FRMD3: variants seen among roughly 807,000 people sequenced by gnomAD.
FRMD3 encodes the protein FERM domain-containing protein 3.
Under a neutral mutation model 70.2 loss-of-function variants are expected in FRMD3, and 33 were observed. The observed-to-expected ratio is 0.47, with a 90% CI of 0.36 to 0.63. The LOEUF (loss-of-function observed/expected upper bound fraction) is 0.63. FRMD3 is among the 20% of genes least tolerant of loss of function. The probability of loss-of-function intolerance (pLI) is 0.00; values close to 1 mark genes in which losing one functional copy is unlikely to be tolerated. For synonymous variants in FRMD3, 279 were observed against 255.9 expected (o/e 1.09, Z -0.86); for missense variants, 632 against 711.4 (o/e 0.89, Z 1.27).
At chr9:83,343,129 C>T (rs1823830506) in intron 5 of FRMD3, 61 bp downstream of exon 5, 1 of 1,220,994 alleles carries the variant, frequency 8.2e-7, no homozygotes, top group East Asian at 2.3e-5. Flanking sequence ...AGAAGGGAGG[C>T]TTGAAACAGC....
intron 3 of FRMD3, among the ~76,000 whole-genome samples, chr9:83,351,689 A>ATAGC (rs1167540341): frequency 2.9e-5 from 4 of 136,852 alleles, no homozygotes; most frequent in Admixed American, 2.9e-4. Context: ...TAGTTACATG[A>ATAGC]TAGATAGATA....
intron 1 of FRMD3, among the ~76,000 whole-genome samples, chr9:83,407,849 CTCTCTCTCTCTCTCTCTCTCTCTCATCTT>C (rs1205485819): frequency 9.9e-5 from 13 of 130,848 alleles, no homozygotes; most frequent in Admixed American, 7.9e-4. Context: ...CTCTCTCTCT[CTCTCTCTCTCTCTCTCTCTCTCTCATCTT>C]TCTCTCTCTC....
intron 3 of FRMD3, among the ~76,000 whole-genome samples, chr9:83,360,641 C>T (rs1312049636): frequency 6.6e-6 from 1 of 152,186 alleles, no homozygotes; most frequent in African/African-American, 2.4e-5. Context: ...CTGCTTCCTC[C>T]ACTACCCCTG....
At chr9:83,445,383 C>CAGACAGAT (rs1827430472) in intron 1 of FRMD3, among the ~76,000 whole-genome samples, 7 of 95,450 alleles carry the variant, frequency 7.3e-5, no homozygotes, top group African/African-American at 2.9e-4. Context: ...GATAGATAGA[C>CAGACAGAT]AGATAGATAA....
chr9:83,259,111 G>C (rs1832862383), intron 13 of FRMD3, among the ~76,000 whole-genome samples: 2 of 152,270 alleles, frequency 1.3e-5, no homozygotes, highest in South Asian at 2.1e-4. Flanking sequence ...ATGGGTAGGG[G>C]TCGGGGATGC....
intron 1 of FRMD3, among the ~76,000 whole-genome samples, chr9:83,394,939 TG>T (rs1825771605): frequency 6.6e-6 from 1 of 152,188 alleles, no homozygotes; most frequent in African/African-American, 2.4e-5. Context: ...AGAATAATGA[TG>T]GTAACTTCCA....
chr9:83,414,854 C>T (rs1173144736), intron 1 of FRMD3, among the ~76,000 whole-genome samples: 3 of 152,144 alleles, frequency 2.0e-5, no homozygotes, highest in Non-Finnish European at 4.4e-5. Flanking sequence ...TTTGTATCTG[C>T]CAGAGTCCCA....
Position 83,407,870 on chromosome 9 carries a change from TC to T in FRMD3, c.148-18163del, listed in dbSNP as rs1826162258. ...CTCTCTCTCTCTCTCTCTCTCTCTC[TC>T]TCATCTTTCTCTCTCTCTCTCTCTC... On this transcript the variant is annotated intron_variant, in intron 1 of 13. Coordinates refer to ENST00000304195, the MANE Select transcript of FRMD3 (RefSeq NM_174938.6). 4.4e-5 allele frequency among the ~76,000 whole-genome samples: 5 copies of T among 113,804 alleles called. No individual in the cohort carries two copies. The East Asian group carries it at 8.4e-4, about 19-fold the overall frequency. The allele number at this position is 113,804 out of a possible 152,430, so 74.7% of individuals were successfully genotyped here.
intron 13 of FRMD3, among the ~76,000 whole-genome samples, chr9:83,259,986 C>G (rs190604404): frequency 1.2e-3 from 186 of 152,280 alleles, no homozygotes; most frequent in African/African-American, 4.1e-3. Context: ...CACCTGGACT[C>G]AGGTTCCCAG....
intron 12 of FRMD3, among the ~76,000 whole-genome samples, chr9:83,297,968 C>T (rs1164932072): frequency 6.6e-6 from 1 of 152,136 alleles, no homozygotes; most frequent in African/African-American, 2.4e-5. Flanking sequence ...GGAGAGGCAC[C>T]CAGCTCATTT....
chr9:83,520,448 C>T (rs1420939825), intron 1 of FRMD3, among the ~76,000 whole-genome samples: 1 of 152,228 alleles, frequency 6.6e-6, no homozygotes, highest in African/African-American at 2.4e-5. Context: ...TTACTCAATT[C>T]CTCTCTGCTT....
intron 1 of FRMD3, among the ~76,000 whole-genome samples, chr9:83,516,171 T>G (rs1197439731): frequency 1.3e-5 from 2 of 151,888 alleles, no homozygotes; most frequent in Non-Finnish European, 2.9e-5. Context: ...AGACACAGAC[T>G]GGCAAATTTG....
intron 13 of FRMD3, among the ~76,000 whole-genome samples, chr9:83,277,567 C>T (rs1397174671): frequency 6.6e-6 from 1 of 152,110 alleles, no homozygotes; most frequent in Admixed American, 6.6e-5. Flanking sequence ...TGCCGTGTTG[C>T]CCAGGCTGGT....
At chr9:83,489,307 G>C (rs535922667) in intron 1 of FRMD3, among the ~76,000 whole-genome samples, 2 of 152,164 alleles carry the variant, frequency 1.3e-5, no homozygotes, top group South Asian at 4.2e-4. Flanking sequence ...ACTATCAACA[G>C]AGTAAACAGA....
intron 1 of FRMD3, among the ~76,000 whole-genome samples, chr9:83,534,048 G>A (rs1013176842): frequency 5.3e-5 from 8 of 152,184 alleles, no homozygotes; most frequent in Non-Finnish European, 1.0e-4. Flanking sequence ...GAAGTAGCAA[G>A]GCTGAATGAA....
At chr9:83,426,443 T>C (rs1166200151) in intron 1 of FRMD3, among the ~76,000 whole-genome samples, 3 of 152,244 alleles carry the variant, frequency 2.0e-5, no homozygotes, top group African/African-American at 7.2e-5. Context: ...GTGAGAGGCA[T>C]GGCAGAGGCC....
At chr9:83,363,779 C>T (rs1824696821) in intron 3 of FRMD3, among the ~76,000 whole-genome samples, 1 of 152,118 alleles carries the variant, frequency 6.6e-6, no homozygotes, top group African/African-American at 2.4e-5. Context: ...TGGTCTCGAT[C>T]TCCTGACCTC....
At chr9:83,311,814 G>T (rs1478267592) in intron 8 of FRMD3, 73 bp downstream of exon 8, 3 of 1,058,546 alleles carry the variant, frequency 2.8e-6, no homozygotes, top group Non-Finnish European at 2.9e-6. Context: ...ACACTTGCCC[G>T]AGAAGCCAAG....
intron 3 of FRMD3, among the ~76,000 whole-genome samples, chr9:83,354,564 G>A (rs1824273909): frequency 6.6e-6 from 1 of 152,102 alleles, no homozygotes; most frequent in South Asian, 2.1e-4. Flanking sequence ...CTTAGTACCT[G>A]GGTAACAGGA....
Sources: allele counts gnomAD v4.1 joint callset (sites outside exome capture counted in the v4.1 genomes callset), GRCh38; gene constraint gnomAD v4.1.1; transcripts MANE v1.5; gene names NCBI Gene and HGNC (gene_info 2026-07-23, HGNC 2026-07-21).